KIRREL3: variants seen among roughly 807,000 people sequenced by gnomAD.
The protein encoded by KIRREL3 is kin of IRRE-like protein 3.
In KIRREL3, 36 loss-of-function variants were observed where a neutral mutation model predicts 89.7. The observed-to-expected ratio is 0.40, with a 90% confidence interval of 0.31 to 0.53. The LOEUF (loss-of-function observed/expected upper bound fraction) is 0.53. KIRREL3 is among the 20% of genes least tolerant of loss of function. KIRREL3 has a pLI of 0.49. For missense variants in KIRREL3, 864 were observed against 1,056.6 expected, an observed-to-expected ratio of 0.82 and a Z score of 2.53; for synonymous variants, 445 against 441.4, an observed-to-expected ratio of 1.01 and a Z score of -0.10.
chr11:126,469,050 G>A (rs890425118), intron 5 of KIRREL3, among the ~76,000 whole-genome samples: 2 of 152,334 alleles, frequency 1.3e-5, no homozygotes, highest in Non-Finnish European at 2.9e-5. Context: ...AGCTCGCTAT[G>A]TGCCAGGCGT....
rs1446596982 is a variant in KIRREL3, at chr11:126,689,764, C to T, written c.56-126852G>A. On this transcript the variant is annotated intron_variant, in intron 1 of 16. Coordinates refer to ENST00000525144, the MANE Select transcript of KIRREL3 (RefSeq NM_032531.4). This position sits in a 1 kb window ranked among gnomAD's most constrained non-coding sequence, Gnocchi z 5.2. The stretch of plus-strand genomic sequence containing the variant: ...CACCTGGGTCTCAGCAGAGGCCCTC[C>T]CAAGACTGACAGGTTAGCACGGAAG... 1.3e-5 allele frequency among the ~76,000 whole-genome samples: 2 copies of T among 152,200 alleles called. No homozygotes were observed. The highest frequency in any genetic ancestry group is 2.4e-5 in the African/African-American group (1 of 41,452).
chr11:126,502,655 A>G (rs10790809), intron 4 of KIRREL3, among the ~76,000 whole-genome samples: 93,885 of 152,122 alleles, frequency 0.62, 30,719 homozygotes, highest in African/African-American at 0.82. Context: ...TAAATTGTGG[A>G]CTTAAAAGCC....
intron 1 of KIRREL3, among the ~76,000 whole-genome samples, chr11:126,853,960 C>T (rs1454038490): frequency 6.6e-6 from 1 of 152,120 alleles, no homozygotes; most frequent in African/African-American, 2.4e-5. Context: ...TTATTCAACC[C>T]TTTGCATCAA....
Position 126,643,999 on chromosome 11 carries a change from G to A in KIRREL3, c.56-81087C>T, listed in dbSNP as rs1036560650. ...TTAGGGACCTTGTAGGAAACCACGT[G>A]CAGATGCTCAGTCTAGCTGGAACTA... On this transcript the variant is annotated intron_variant, in intron 1 of 16. Transcript: ENST00000525144. The surrounding 1 kb of genome is among the most constrained non-coding windows in gnomAD (Gnocchi z 4.5). Among the ~76,000 whole-genome samples, 33 of 152,190 alleles carry A rather than the reference G, an allele frequency of 2.2e-4. No homozygotes were observed. Among genetic ancestry groups the A allele is most frequent in the African/African-American group, 7.2e-4 (30 of 41,444 alleles).
At position 126,714,968 on chromosome 11, in the gene KIRREL3, C is replaced by T. The variant is rs551743171; in HGVS notation, c.56-152056G>A. The stretch of plus-strand genomic sequence containing the variant: ...CTCCTGCTTCCCCATCCCAGGCACC[C>T]GAGGCGTCAAGCCACAGGGTGAAGA... On this transcript the variant is annotated intron_variant, in intron 1 of 16. Transcript: ENST00000525144. 1.1e-3 allele frequency among the ~76,000 whole-genome samples: 167 copies of T among 152,246 alleles called. 2 individuals carry two copies. In the South Asian group the frequency reaches 0.024, roughly 22 times the overall value.
chr11:126,681,421 G>A (rs962726809), intron 1 of KIRREL3, among the ~76,000 whole-genome samples: 1 of 152,218 alleles, frequency 6.6e-6, no homozygotes, highest in Non-Finnish European at 1.5e-5. Flanking sequence ...GAAGCTTGAG[G>A]TAGGTGGGCT....
rs1949482365 is a variant in KIRREL3, at chr11:126,755,871, GA to G, written c.56-192960del. ...AGAGAGAGAGGGAGAGAGGGAGAGA[GA>G]AAAAACAGAGAGAGAGAGAGAGAGA... On this transcript the variant is annotated intron_variant, in intron 1 of 16. Coordinates refer to ENST00000525144, the MANE Select transcript of KIRREL3 (RefSeq NM_032531.4). The surrounding 1 kb of genome is among the most constrained non-coding windows in gnomAD (Gnocchi z 4.3). 1.6e-5 allele frequency among the ~76,000 whole-genome samples: 2 copies of G among 126,348 alleles called. No homozygotes were observed. The highest frequency in any genetic ancestry group is 4.0e-4 in the East Asian group (2 of 4,940). 82.9% of individuals were successfully genotyped at this position (126,348 alleles called of 152,430 possible). A position where few individuals can be genotyped will look rare whatever the true frequency, so the allele number is the denominator to read the frequency against.
intron 1 of KIRREL3, among the ~76,000 whole-genome samples, chr11:126,713,928 G>T (rs1344098469): frequency 6.6e-6 from 1 of 152,186 alleles, no homozygotes; most frequent in African/African-American, 2.4e-5. Context: ...GCTAGATAGG[G>T]CAGGTCAGCT....
rs1328333560 is a variant in KIRREL3 at position 126,686,927 on chromosome 11, G to A, written c.56-124015C>T. ...AGAAGGAGTTATCCAGATGATAAGA[G>A]GGGAAGGAAGGTCACATTGAGAAGA... On this transcript the variant is annotated intron_variant, in intron 1 of 16. Transcript: ENST00000525144. This position sits in a 1 kb window ranked among gnomAD's most constrained non-coding sequence, Gnocchi z 4.7. Among the ~76,000 whole-genome samples, 1 of 152,192 alleles carries A rather than the reference G, an allele frequency of 6.6e-6. No homozygotes were observed. The highest frequency in any genetic ancestry group is 6.5e-5 in the Admixed American group (1 of 15,276).
chr11:126,760,119 G>A (rs540698358), intron 1 of KIRREL3, among the ~76,000 whole-genome samples: 1 of 152,250 alleles, frequency 6.6e-6, no homozygotes, highest in East Asian at 1.9e-4. Context: ...TATTTATTGG[G>A]TGTTTAGGAT....
rs1263264531 is a variant in KIRREL3 at position 126,527,179 on chromosome 11, T to G, written c.134-492A>C. ...CTGAGAATTCAGGAAATCATTTTGT[T>G]GTTTCAGTGGCTCCTGGGGTGGGCT... On this transcript the variant is annotated intron_variant, in intron 2 of 16. Coordinates refer to ENST00000525144, the MANE Select transcript of KIRREL3 (RefSeq NM_032531.4). This position sits in a 1 kb window ranked among gnomAD's most constrained non-coding sequence, Gnocchi z 4.2. 6.6e-6 allele frequency among the ~76,000 whole-genome samples: 1 copy of G among 152,128 alleles called. No individual in the cohort carries two copies. The highest frequency in any genetic ancestry group is 1.5e-5 in the Non-Finnish European group (1 of 68,016).
chr11:126,461,665 G>C (rs565719732), intron 6 of KIRREL3, among the ~76,000 whole-genome samples: 2 of 151,982 alleles, frequency 1.3e-5, no homozygotes, highest in African/African-American at 2.4e-5. Flanking sequence ...GAATCTAAAT[G>C]GTGTCTGTCA....
intron 1 of KIRREL3, among the ~76,000 whole-genome samples, chr11:126,591,829 A>G (rs776443496): frequency 2.0e-5 from 3 of 152,222 alleles, no homozygotes; most frequent in Non-Finnish European, 4.4e-5. Flanking sequence ...ACTGAAGTTC[A>G]GAAAGTTTAA....
In KIRREL3 at chr11:126,569,653, C is replaced by T. The variant is rs1008126240; in HGVS notation, c.56-6741G>A. 3.9e-5 allele frequency among the ~76,000 whole-genome samples: 6 copies of T among 152,184 alleles called. No homozygotes were observed. The highest frequency in any genetic ancestry group is 5.9e-5 in the Non-Finnish European group (4 of 68,050). ...CGGTAAAGAAAGTCTTGAGGCAGCACGCAAGTTATTTCTGCATGAATGGCA... is the reference window on the plus strand; with the variant it reads ...CGGTAAAGAAAGTCTTGAGGCAGCATGCAAGTTATTTCTGCATGAATGGCA... On this transcript the variant is annotated intron_variant, in intron 1 of 16. Transcript: ENST00000525144. This position sits in a 1 kb window ranked among gnomAD's most constrained non-coding sequence, Gnocchi z 6.5.
Position 126,628,782 on chromosome 11 carries a change from G to A in KIRREL3, c.56-65870C>T, listed in dbSNP as rs1943896306. On this transcript the variant is annotated intron_variant, in intron 1 of 16. Coordinates refer to ENST00000525144, the MANE Select transcript of KIRREL3 (RefSeq NM_032531.4). The surrounding 1 kb of genome is among the most constrained non-coding windows in gnomAD (Gnocchi z 5.2). The stretch of plus-strand genomic sequence containing the variant: ...CCTGGAGCCCAGCCTGCTACCTGGA[G>A]CCAGGGCCTCGCCTCTACTGCCCCC... Among the ~76,000 whole-genome samples the A allele has an allele frequency of 6.6e-6, 1 of 152,152 alleles. No individual in the cohort carries two copies. Among genetic ancestry groups the A allele is most frequent in the Admixed American group, 6.5e-5 (1 of 15,274 alleles).
intron 7 of KIRREL3, among the ~76,000 whole-genome samples, chr11:126,449,448 C>T (rs544673931): frequency 2.8e-4 from 43 of 152,196 alleles, no homozygotes; most frequent in Non-Finnish European, 5.7e-4. Context: ...GTTGATTACT[C>T]GGCTGGTCAG....
intron 1 of KIRREL3, among the ~76,000 whole-genome samples, chr11:126,753,088 G>A (rs1479033092): frequency 6.6e-6 from 1 of 152,194 alleles, no homozygotes; most frequent in Non-Finnish European, 1.5e-5. Flanking sequence ...TAGGGATATG[G>A]GGTGAATGAA....
intron 1 of KIRREL3, among the ~76,000 whole-genome samples, chr11:126,678,784 G>A (rs1946319219): frequency 6.6e-6 from 1 of 152,124 alleles, no homozygotes; most frequent in African/African-American, 2.4e-5. Flanking sequence ...GCAGGGGAGT[G>A]GTGAAGCCTG....
rs569805771 is a variant in KIRREL3 at position 126,768,966 on chromosome 11, T to A, written c.56-206054A>T. 6.6e-6 allele frequency among the ~76,000 whole-genome samples: 1 copy of A among 152,372 alleles called. No homozygotes were observed. Among genetic ancestry groups the A allele is most frequent in the Admixed American group, 6.5e-5 (1 of 15,310 alleles). On this transcript the variant is annotated intron_variant, in intron 1 of 16. Coordinates refer to ENST00000525144, the MANE Select transcript of KIRREL3 (RefSeq NM_032531.4). The surrounding 1 kb of genome is among the most constrained non-coding windows in gnomAD (Gnocchi z 4.5). ...ACATGATCTGCTTTGTGTCTCAACA[T>A]CTTTTTACATGATCACGACTTGCAG...
Sources: gnomAD v4.1 joint callset for allele counts (sites outside exome capture counted in the v4.1 genomes callset) on GRCh38, gnomAD v4.1.1 for gene constraint, Gnocchi (gnomAD v3.1) non-coding constraint, MANE v1.5 for transcripts, NCBI Gene and HGNC (gene_info 2026-07-23, HGNC 2026-07-21) for gene names.